GNG7: variants seen among roughly 807,000 people sequenced by gnomAD.
GNG7 encodes G protein subunit gamma 7.
In GNG7, 1 loss-of-function variant was observed where a neutral mutation model predicts 4.0. The ratio of observed to expected loss-of-function variants is 0.25; its 90% CI spans 0.09 to 1.18. GNG7 has a LOEUF of 1.18. GNG7 is among the 50% of genes most tolerant of loss of function. The pLI is 0.50. For missense variants in GNG7, 86 were observed against 91.9 expected (o/e 0.94, Z 0.26); for synonymous variants, 34 against 36.9 (o/e 0.92, Z 0.29).
At chr19:2,537,308 C>T (rs570470948) in intron 3 of GNG7, among the ~76,000 whole-genome samples, 170 of 151,382 alleles carry the variant, frequency 1.1e-3, no homozygotes, top group African/African-American at 4.0e-3. Flanking sequence ...TGCAGTGGTG[C>T]AATCATAGCT....
intron 3 of GNG7, among the ~76,000 whole-genome samples, chr19:2,529,788 G>A (rs1599375061): frequency 6.6e-6 from 1 of 152,160 alleles, no homozygotes; most frequent in African/African-American, 2.4e-5. Context: ...CAGGGATCTT[G>A]TTCAAGGGAT....
chr19:2,529,868 A>C (rs1461839985), intron 3 of GNG7, among the ~76,000 whole-genome samples: 1 of 152,030 alleles, frequency 6.6e-6, no homozygotes, highest in Non-Finnish European at 1.5e-5. Flanking sequence ...CCGGGCTCGC[A>C]CTCTGGCTCT....
At chr19:2,656,886 C>T (rs1599445625) in intron 1 of GNG7, among the ~76,000 whole-genome samples, 1 of 152,038 alleles carries the variant, frequency 6.6e-6, no homozygotes. Flanking sequence ...ATGCCAGAAA[C>T]GAGTAAGTCC....
At chr19:2,590,701 CCATCCACCCATT>C (rs1159131457) in intron 2 of GNG7, among the ~76,000 whole-genome samples, 1 of 149,858 alleles carries the variant, frequency 6.7e-6, no homozygotes, top group African/African-American at 2.4e-5. Flanking sequence ...ATCCATCCAT[CCATCCACCCATT>C]CATCCATCCA....
chr19:2,554,333 C>T (rs985867200), intron 3 of GNG7, among the ~76,000 whole-genome samples: 1 of 148,310 alleles, frequency 6.7e-6, no homozygotes, highest in Non-Finnish European at 1.5e-5. Context: ...ATGACAGGCA[C>T]GTGCCACCAC....
rs33940288 is a variant in GNG7, at chr19:2,589,371, C to CTTT, written c.-77-34186_-77-34184dup. Among the ~76,000 whole-genome samples, 333 of 100,562 alleles carry CTTT rather than the reference C, an allele frequency of 3.3e-3. 6 individuals carry two copies. Among genetic ancestry groups the CTTT allele is most frequent in the African/African-American group, 0.012 (320 of 26,776 alleles). The allele number at this position is 100,562 out of a possible 152,430, so 66.0% of individuals were successfully genotyped here. ...CCAGGTAGCTGGGACTACAGGTGCA[C>CTTT]TTTTTTTTTTTTTTTTTTTTTTTTA... On this transcript the variant is annotated intron_variant, in intron 2 of 4. Transcript: ENST00000382159.
In GNG7 at chr19:2,688,307, G is replaced by A. The variant is rs555469733; in HGVS notation, c.-135+14339C>T. On this transcript the variant is annotated intron_variant, in intron 1 of 4. Transcript: ENST00000382159. The stretch of plus-strand genomic sequence containing the variant: ...AGATGAAAAGCAAAGTTTGCCGTAC[G>A]AAGGATGGAGTCGGTGTCAGTGCTC... 1.1e-4 allele frequency among the ~76,000 whole-genome samples: 16 copies of A among 152,276 alleles called. 1 individual carries two copies. In the East Asian group the frequency reaches 2.5e-3, roughly 24 times the overall value.
intron 1 of GNG7, among the ~76,000 whole-genome samples, chr19:2,684,068 C>T (rs1311597329): frequency 2.0e-5 from 3 of 150,512 alleles, no homozygotes; most frequent in African/African-American, 2.4e-5. Flanking sequence ...CGCCTGTAAT[C>T]GCAGCACTTG....
intron 1 of GNG7, among the ~76,000 whole-genome samples, chr19:2,688,048 C>T (rs540330313): frequency 3.3e-5 from 5 of 151,984 alleles, no homozygotes; most frequent in South Asian, 2.1e-4. Context: ...GTCAGGAGAT[C>T]GAGACTATCC....
chr19:2,611,831 G>C lies in GNG7; in HGVS notation c.-78+34393C>G, dbSNP rs552253762. ...AGCCTGGGCGACAGAGGGAGATTCT[G>C]TCTCTAAAAAAATAAAAAGTAAAAG... On this transcript the variant is annotated intron_variant, in intron 2 of 4. Transcript: ENST00000382159. This position sits in a 1 kb window ranked among gnomAD's most constrained non-coding sequence, Gnocchi z 6.0. 6.6e-6 allele frequency: 1 copy of C among 151,936 alleles called. No individual in the cohort carries two copies. The highest frequency in any genetic ancestry group is 1.5e-5 in the Non-Finnish European group (1 of 67,992). The allele number at this position is 151,936 out of a possible 1,614,324, so 9.4% of individuals were successfully genotyped here. A position where few individuals can be genotyped will look rare whatever the true frequency, so the allele number is the denominator to read the frequency against.
intron 3 of GNG7, among the ~76,000 whole-genome samples, chr19:2,550,286 C>T (rs536318333): frequency 7.2e-5 from 11 of 152,302 alleles, no homozygotes; most frequent in South Asian, 4.1e-4. Flanking sequence ...GGCGCAATCT[C>T]GGCTCACTGC....
chr19:2,678,873 G>A lies in GNG7; in HGVS notation c.-135+23773C>T, dbSNP rs144764903. 4.5e-3 allele frequency among the ~76,000 whole-genome samples: 691 copies of A among 152,146 alleles called. 4 individuals are homozygous for A. The highest frequency in any genetic ancestry group is 0.014 in the Middle Eastern group (4 of 294). On this transcript the variant is annotated intron_variant, in intron 1 of 4. Transcript: ENST00000382159. ...TCCGTCATGCAGCCTTCGACGATCG[G>A]AAACCAACAGCTTCTCATGACGGTC...
chr19:2,545,783 C>T (rs994563617), intron 3 of GNG7, among the ~76,000 whole-genome samples: 2 of 151,552 alleles, frequency 1.3e-5, no homozygotes, highest in Non-Finnish European at 2.9e-5. Context: ...GTGAAACCCC[C>T]TCTCTACTAA....
chr19:2,552,284 C>A (rs1040683564), intron 3 of GNG7, among the ~76,000 whole-genome samples: 3 of 152,082 alleles, frequency 2.0e-5, no homozygotes, highest in Admixed American at 6.6e-5. Flanking sequence ...GACTGGGCAA[C>A]AGAGAGAGAC....
intron 2 of GNG7, among the ~76,000 whole-genome samples, chr19:2,568,612 T>TATATACACATACACACATATATACAC (rs1980031667): frequency 2.0e-5 from 3 of 148,672 alleles, no homozygotes; most frequent in African/African-American, 7.8e-5. Context: ...CATACACACA[T>TATATACACATACACACATATATACAC]ATATACACAT....
chr19:2,694,470 G>A (rs1913198767), intron 1 of GNG7, among the ~76,000 whole-genome samples: 1 of 151,448 alleles, frequency 6.6e-6, no homozygotes, highest in South Asian at 2.1e-4. Flanking sequence ...CAGTGCCCAG[G>A]ACGGCCCCAC....
At chr19:2,679,559 G>GT (rs1983678604) in intron 1 of GNG7, among the ~76,000 whole-genome samples, 1 of 152,152 alleles carries the variant, frequency 6.6e-6, no homozygotes, top group Admixed American at 6.5e-5. Context: ...CAGAAAGAAA[G>GT]TCACATGGTG....
chr19:2,576,317 T>C (rs923827677), intron 2 of GNG7, among the ~76,000 whole-genome samples: 37 of 152,314 alleles, frequency 2.4e-4, no homozygotes, highest in Non-Finnish European at 5.3e-4. Context: ...GCAGAACCCT[T>C]CGACCCAGGC....
chr19:2,627,774 C>CAGTT (rs1982057709), intron 2 of GNG7, among the ~76,000 whole-genome samples: 1 of 152,220 alleles, frequency 6.6e-6, no homozygotes, highest in African/African-American at 2.4e-5. Context: ...CTGAGCCTCA[C>CAGTT]AGTTATGTTC....
Sources: allele counts gnomAD v4.1 joint callset (sites outside exome capture counted in the v4.1 genomes callset), GRCh38; gene constraint gnomAD v4.1.1; non-coding constraint Gnocchi (gnomAD v3.1); transcripts MANE v1.5; gene names NCBI Gene and HGNC (gene_info 2026-07-23, HGNC 2026-07-21).